The following PTPRD variants were observed in gnomAD, a reference collection of about 807,000 sequenced individuals.
The protein encoded by PTPRD is protein tyrosine phosphatase receptor type D.
In PTPRD, 34 loss-of-function variants were observed where a neutral mutation model predicts 214.5. The observed-to-expected ratio is 0.16, with a 90% confidence interval of 0.12 to 0.21. The LOEUF (loss-of-function observed/expected upper bound fraction) is 0.21. Ranked by LOEUF, PTPRD falls within the 10% of genes least tolerant of loss-of-function variation. PTPRD has a pLI of 1.00. For missense variants in PTPRD, 2,545 were observed against 2,398.7 expected, an observed-to-expected ratio of 1.06 and a Z score of -1.27; for synonymous variants, 1,128 against 845.7, an observed-to-expected ratio of 1.33 and a Z score of -5.79.
At chr9:10,335,036 G>A (rs2096821359) in intron 3 of PTPRD, among the ~76,000 whole-genome samples, 1 of 151,618 alleles carries the variant, frequency 6.6e-6, no homozygotes, top group Non-Finnish European at 1.5e-5. Context: ...AATATGTAAT[G>A]CAATCCCAAT....
At position 8,722,216 on chromosome 9, in the gene PTPRD, C is replaced by T. The variant is rs117367355; in HGVS notation, c.64+11564G>A. 1.1e-3 allele frequency among the ~76,000 whole-genome samples: 163 copies of T among 151,714 alleles called. 5 individuals are homozygous for T. In the East Asian group the frequency reaches 0.028, roughly 26 times the overall value. On this transcript the variant is annotated intron_variant, in intron 12 of 45. Coordinates refer to ENST00000381196, the MANE Select transcript of PTPRD (RefSeq NM_002839.4). Reference sequence around the variant, plus strand: ...ACTGAACCTCACAGGACTTCACATTCAGGATCTCATTTAAACTTCACAGGA... The same window carrying T: ...ACTGAACCTCACAGGACTTCACATTTAGGATCTCATTTAAACTTCACAGGA...
intron 4 of PTPRD, among the ~76,000 whole-genome samples, chr9:9,976,567 T>A (rs1359414092): frequency 6.6e-6 from 1 of 151,086 alleles, no homozygotes; most frequent in Non-Finnish European, 1.5e-5. Flanking sequence ...TTTGTATTTT[T>A]AGTAGAGATG....
Position 9,319,471 on chromosome 9 carries a change from C to T in PTPRD, c.-203+77978G>A, listed in dbSNP as rs191427891. On this transcript the variant is annotated intron_variant, in intron 9 of 45. Transcript: ENST00000381196. ...ACACAGATGTGGAGAACATTTTGTGCCAAAGTGACACAGCATTTGTTAGTT... is the reference window on the plus strand; with the variant it reads ...ACACAGATGTGGAGAACATTTTGTGTCAAAGTGACACAGCATTTGTTAGTT... Among the ~76,000 whole-genome samples, 765 of 152,192 alleles carry T rather than the reference C, an allele frequency of 5.0e-3. 4 individuals carry two copies. The highest frequency in any genetic ancestry group is 0.018 in the African/African-American group (729 of 41,532).
chr9:8,600,714 C>G (rs1419151081), intron 14 of PTPRD, among the ~76,000 whole-genome samples: 2 of 151,642 alleles, frequency 1.3e-5, no homozygotes, highest in Non-Finnish European at 2.9e-5. Flanking sequence ...AGAATCCAGA[C>G]CCTACTGACT....
intron 3 of PTPRD, among the ~76,000 whole-genome samples, chr9:10,289,695 GC>G (rs2095473943): frequency 6.6e-6 from 1 of 152,120 alleles, no homozygotes; most frequent in South Asian, 2.1e-4. Flanking sequence ...TAAACAAAGG[GC>G]TAAATAGGAA....
intron 35 of PTPRD, among the ~76,000 whole-genome samples, chr9:8,432,111 G>C (rs961540561): frequency 6.6e-6 from 1 of 152,148 alleles, no homozygotes; most frequent in Non-Finnish European, 1.5e-5. Flanking sequence ...TGTTTGGCAA[G>C]GTCTACACAA....
At chr9:8,356,894 T>C (rs759213987) in intron 39 of PTPRD, among the ~76,000 whole-genome samples, 7 of 152,192 alleles carry the variant, frequency 4.6e-5, no homozygotes, top group African/African-American at 1.4e-4. Context: ...ACAGCACTTA[T>C]AGTTTACAGT....
At chr9:9,256,970 T>C (rs1481995317) in intron 9 of PTPRD, among the ~76,000 whole-genome samples, 1 of 152,070 alleles carries the variant, frequency 6.6e-6, no homozygotes, top group Non-Finnish European at 1.5e-5. Flanking sequence ...TTCTTGCTCA[T>C]GCCCCACTTC....
chr9:9,087,052 C>T (rs1374410414), intron 10 of PTPRD, among the ~76,000 whole-genome samples: 3 of 152,310 alleles, frequency 2.0e-5, no homozygotes, highest in East Asian at 3.9e-4. Flanking sequence ...CTAATTCTTG[C>T]TCCTAGAAAA....
At chr9:9,845,304 T>A (rs1471232220) in intron 5 of PTPRD, among the ~76,000 whole-genome samples, 1 of 148,164 alleles carries the variant, frequency 6.7e-6, no homozygotes, top group Non-Finnish European at 1.5e-5. Flanking sequence ...GAAAGGGATA[T>A]ATTACAAAGT....
At chr9:9,335,995 G>A (rs1224691435) in intron 9 of PTPRD, among the ~76,000 whole-genome samples, 1 of 151,842 alleles carries the variant, frequency 6.6e-6, no homozygotes, top group Admixed American at 6.6e-5. Context: ...AGAAATCTAA[G>A]AAATTGGAAT....
intron 11 of PTPRD, among the ~76,000 whole-genome samples, chr9:8,942,564 T>TAACGCTGGA (rs922080536): frequency 1.4e-4 from 21 of 152,256 alleles, no homozygotes; most frequent in African/African-American, 5.1e-4. Flanking sequence ...AGTTAAGGGT[T>TAACGCTGGA]AACGCTGGAG....
intron 2 of PTPRD, among the ~76,000 whole-genome samples, chr9:10,436,198 G>T (rs1003886179): frequency 6.6e-6 from 1 of 151,798 alleles, no homozygotes; most frequent in African/African-American, 2.4e-5. Flanking sequence ...TGAAAAGACA[G>T]TGTTTACAAT....
chr9:10,491,521 C>T (rs1457279193), intron 2 of PTPRD, among the ~76,000 whole-genome samples: 1 of 151,288 alleles, frequency 6.6e-6, no homozygotes, highest in African/African-American at 2.4e-5. Flanking sequence ...TATTGCATGC[C>T]TACAAGATGA....
At chr9:8,627,854 C>T (rs533137199) in intron 14 of PTPRD, among the ~76,000 whole-genome samples, 1 of 151,970 alleles carries the variant, frequency 6.6e-6, no homozygotes, top group African/African-American at 2.4e-5. Flanking sequence ...CTAAAGATTA[C>T]ACCAACGAAA....
At chr9:10,529,945 C>T (rs541897361) in intron 2 of PTPRD, among the ~76,000 whole-genome samples, 70 of 151,624 alleles carry the variant, frequency 4.6e-4, no homozygotes, top group Non-Finnish European at 9.6e-4. Context: ...AAGACAAATA[C>T]CTAAGGCATG....
At chr9:8,644,506 C>A (rs750148553) in intron 12 of PTPRD, among the ~76,000 whole-genome samples, 5 of 152,184 alleles carry the variant, frequency 3.3e-5, no homozygotes, top group Non-Finnish European at 7.4e-5. Context: ...CCCTTGCTCA[C>A]CACGTTGCAG....
chr9:10,032,615 A>AAT (rs2154133179), intron 4 of PTPRD, among the ~76,000 whole-genome samples: 1 of 152,268 alleles, frequency 6.6e-6, no homozygotes, highest in South Asian at 2.1e-4. Flanking sequence ...TAAATGTAAA[A>AAT]ACACACTTGC....
At chr9:9,812,703 G>C (rs975087693) in intron 5 of PTPRD, among the ~76,000 whole-genome samples, 1 of 151,920 alleles carries the variant, frequency 6.6e-6, no homozygotes, top group Admixed American at 6.6e-5. Flanking sequence ...AAATAGTAAG[G>C]GATTTCAATA....
Sources: gnomAD v4.1 joint callset for allele counts (sites outside exome capture counted in the v4.1 genomes callset) on GRCh38, gnomAD v4.1.1 for gene constraint, MANE v1.5 for transcripts, NCBI Gene and HGNC (gene_info 2026-07-23, HGNC 2026-07-21) for gene names.